Variants in NTN1 observed in about 807,000 individuals in gnomAD.
NTN1 encodes the protein netrin 1.
In NTN1, 11 loss-of-function variants were observed where a neutral mutation model predicts 54.2. That is an observed-to-expected ratio of 0.20 (90% CI 0.13 to 0.34). The LOEUF (loss-of-function observed/expected upper bound fraction) is 0.34, where lower values mean the gene tolerates loss of function less well. NTN1 is among the 10% of genes least tolerant of loss of function. NTN1 has a pLI of 1.00. For synonymous variants in NTN1, 371 were observed against 382.0 expected (o/e 0.97, Z 0.33); for missense variants, 740 against 893.1 (o/e 0.83, Z 2.18).
chr17:9,152,782 C>T (rs567473535), intron 2 of NTN1, among the ~76,000 whole-genome samples: 12 of 152,288 alleles, frequency 7.9e-5, no homozygotes, highest in South Asian at 2.1e-4. Flanking sequence ...AATCATCAGA[C>T]GCAGATGTCT....
intron 2 of NTN1, among the ~76,000 whole-genome samples, chr17:9,095,861 G>A (rs1467177083): frequency 2.0e-5 from 3 of 151,482 alleles, no homozygotes; most frequent in Non-Finnish European, 4.4e-5. Flanking sequence ...GTGCAATGGC[G>A]TGATCTCAGT....
At chr17:9,139,371 C>G (rs546935907) in intron 2 of NTN1, among the ~76,000 whole-genome samples, 16 of 152,292 alleles carry the variant, frequency 1.1e-4, no homozygotes, top group African/African-American at 3.4e-4. Context: ...GAAGTCATAC[C>G]TGGCACCTTC....
intron 2 of NTN1, among the ~76,000 whole-genome samples, chr17:9,113,057 T>C (rs2092198058): frequency 6.8e-6 from 1 of 147,950 alleles, no homozygotes; most frequent in Non-Finnish European, 1.5e-5. Flanking sequence ...AGAGTCTCAC[T>C]CTGTCGCCCA....
intron 2 of NTN1, among the ~76,000 whole-genome samples, chr17:9,161,209 G>A (rs1196497717): frequency 6.6e-6 from 1 of 152,176 alleles, no homozygotes; most frequent in African/African-American, 2.4e-5. Flanking sequence ...GCGGGGCTGG[G>A]AAGTAACATT....
intron 2 of NTN1, among the ~76,000 whole-genome samples, chr17:9,062,519 CTCGCT>C (rs2092002011): frequency 6.6e-6 from 1 of 152,112 alleles, no homozygotes; most frequent in Non-Finnish European, 1.5e-5. Flanking sequence ...GCACTTAACA[CTCGCT>C]TCTTTGCAGC....
At chr17:9,202,801 T>C (rs1904838479) in intron 5 of NTN1, among the ~76,000 whole-genome samples, 1 of 152,276 alleles carries the variant, frequency 6.6e-6, no homozygotes, top group Admixed American at 6.5e-5. Flanking sequence ...TCGTGCTGTC[T>C]GAACAGTCAT....
At chr17:9,105,648 G>GTCTCTCTCTCTTTCTCTCTC (rs1349274463) in intron 2 of NTN1, among the ~76,000 whole-genome samples, 1 of 149,782 alleles carries the variant, frequency 6.7e-6, no homozygotes, top group Admixed American at 6.7e-5. Context: ...GATCTGTTCT[G>GTCTCTCTCTCTTTCTCTCTC]TCTCTCTCTC....
chr17:9,156,073 C>T lies in NTN1; in HGVS notation c.1019-6740C>T, dbSNP rs571566539. Among the ~76,000 whole-genome samples, 4 of 152,130 alleles carry T rather than the reference C, an allele frequency of 2.6e-5. No homozygotes were observed. The East Asian group carries it at 7.8e-4, about 30-fold the overall frequency. On this transcript the variant is annotated intron_variant, in intron 2 of 6. Coordinates refer to ENST00000173229, the MANE Select transcript of NTN1 (RefSeq NM_004822.3). ...AGAGGAGCTGGTGAGGGAAGAAGCG[C>T]CCCCCACCGACCTGCAAATTTTTGC...
intron 5 of NTN1, among the ~76,000 whole-genome samples, chr17:9,192,155 C>T (rs1258866986): frequency 2.0e-5 from 3 of 152,096 alleles, no homozygotes; most frequent in African/African-American, 7.2e-5. Flanking sequence ...TATCCATGAC[C>T]CCATCAGTTC....
chr17:9,148,726 T>G (rs2142286834), intron 2 of NTN1, among the ~76,000 whole-genome samples: 1 of 151,968 alleles, frequency 6.6e-6, no homozygotes, highest in Non-Finnish European at 1.5e-5. Flanking sequence ...GGGTCCAGCG[T>G]GCAGATTGGG....
chr17:9,214,053 T>C (rs1296131088), intron 5 of NTN1, among the ~76,000 whole-genome samples: 1 of 152,122 alleles, frequency 6.6e-6, no homozygotes, highest in East Asian at 1.9e-4. Flanking sequence ...AAAGAATCAG[T>C]TCTTGGATGT....
Position 9,063,633 on chromosome 17 carries a change from T to C in NTN1, c.1018+40242T>C, listed in dbSNP as rs1185539349. Among the ~76,000 whole-genome samples, 5 of 151,720 alleles carry C rather than the reference T, an allele frequency of 3.3e-5. No individual in the cohort carries two copies. In the East Asian group the frequency reaches 9.7e-4, roughly 30 times the overall value. ...CGCAATCTCAGCTCACTGCAAGCTC[T>C]GCCTCCCGGGTTCATGCCATTCTCC... is the stretch of plus-strand genomic sequence containing the variant. On this transcript the variant is annotated intron_variant, in intron 2 of 6. Coordinates refer to ENST00000173229, the MANE Select transcript of NTN1 (RefSeq NM_004822.3).
At chr17:9,203,883 G>A (rs555042400) in intron 5 of NTN1, among the ~76,000 whole-genome samples, 27 of 152,202 alleles carry the variant, frequency 1.8e-4, no homozygotes, top group African/African-American at 6.3e-4. Flanking sequence ...CAGCATAATG[G>A]GGTTTCTAAA....
intron 2 of NTN1, among the ~76,000 whole-genome samples, chr17:9,130,894 C>T (rs747669207): frequency 2.6e-5 from 4 of 152,168 alleles, no homozygotes; most frequent in South Asian, 2.1e-4. Context: ...CTCTGAGTCT[C>T]GAGTGCTTTA....
intron 6 of NTN1, among the ~76,000 whole-genome samples, chr17:9,231,909 G>A (rs985920713): frequency 2.5e-4 from 38 of 152,052 alleles, no homozygotes; most frequent in African/African-American, 7.5e-4. Flanking sequence ...GCCTCGGGGC[G>A]GTTGGGGGGA....
At chr17:9,015,541 A>G in the NTN1 span, among the ~76,000 whole-genome samples, 1 of 152,134 alleles carries the variant, frequency 6.6e-6, no homozygotes, top group Non-Finnish European at 1.5e-5. Flanking sequence ...CTCCTCACAA[A>G]CATTAGCCTG....
intron 2 of NTN1, among the ~76,000 whole-genome samples, chr17:9,142,308 G>T (rs963175298): frequency 6.7e-6 from 1 of 149,098 alleles, no homozygotes; most frequent in African/African-American, 2.5e-5. Context: ...AAAAAAAAAA[G>T]AAAAAAACCA....
intron 6 of NTN1, among the ~76,000 whole-genome samples, chr17:9,237,221 G>A (rs548415432): frequency 6.6e-6 from 1 of 152,236 alleles, no homozygotes; most frequent in South Asian, 2.1e-4. Context: ...GTGTCGGTAG[G>A]GTTGCTTTCC....
At chr17:9,196,091 T>A (rs55956782) in intron 5 of NTN1, among the ~76,000 whole-genome samples, 2,369 of 152,146 alleles carry the variant, frequency 0.016, 68 homozygotes, top group African/African-American at 0.054. Context: ...GGAGGCCACT[T>A]TGGCCACCAG....
Sources: gnomAD v4.1 joint callset for allele counts (sites outside exome capture counted in the v4.1 genomes callset) on GRCh38, gnomAD v4.1.1 for gene constraint, MANE v1.5 for transcripts, NCBI Gene and HGNC (gene_info 2026-07-23, HGNC 2026-07-21) for gene names.